Variants in GFRA1 observed in about 807,000 individuals in gnomAD.
GFRA1 encodes the protein GDNF family receptor alpha 1, also known as GDNF family receptor alpha-1.
In GFRA1, 16 loss-of-function variants were observed where a neutral mutation model predicts 51.6. The ratio of observed to expected loss-of-function variants is 0.31; its 90% CI spans 0.21 to 0.47. The LOEUF (loss-of-function observed/expected upper bound fraction) is 0.47. Ranked by LOEUF, GFRA1 falls within the 20% of genes least tolerant of loss-of-function variation. GFRA1 has a pLI of 1.00. For synonymous variants in GFRA1, 270 were observed against 241.3 expected, an observed-to-expected ratio of 1.12 and a Z score of -1.10; for missense variants, 530 against 594.3, an observed-to-expected ratio of 0.89 and a Z score of 1.13.
At chr10:116,255,525 G>T in intron 4 of GFRA1, 2 of 1,041,284 alleles carry the variant, frequency 1.9e-6, no homozygotes, top group South Asian at 1.9e-5. Flanking sequence ...AAAACACTAG[G>T]TTTCCACCAT....
At chr10:116,174,372 C>T (rs1334958696) in intron 5 of GFRA1, among the ~76,000 whole-genome samples, 1 of 152,138 alleles carries the variant, frequency 6.6e-6, no homozygotes, top group South Asian at 2.1e-4. Context: ...TAGTCTTTTC[C>T]CTGCATTCTT....
intron 2 of GFRA1, 76 bp downstream of exon 2, chr10:116,271,914 G>T: frequency 8.5e-7 from 1 of 1,174,342 alleles, no homozygotes; most frequent in Non-Finnish European, 1.2e-6. Flanking sequence ...TTGGTGCGGA[G>T]GGCGGGGTGG....
chr10:116,091,361 A>C (rs548352430), intron 8 of GFRA1, among the ~76,000 whole-genome samples: 1 of 152,340 alleles, frequency 6.6e-6, no homozygotes, highest in East Asian at 1.9e-4. Context: ...GCAGGCAAAT[A>C]AGTGAAATAT....
intron 4 of GFRA1, among the ~76,000 whole-genome samples, chr10:116,232,264 A>T (rs894093044): frequency 1.2e-4 from 19 of 152,186 alleles, no homozygotes; most frequent in African/African-American, 3.9e-4. Flanking sequence ...CATCCTCCCA[A>T]GGAATATGCC....
intron 5 of GFRA1, among the ~76,000 whole-genome samples, chr10:116,153,604 C>A (rs935952423): frequency 6.6e-6 from 1 of 152,104 alleles, no homozygotes; most frequent in Non-Finnish European, 1.5e-5. Context: ...AGTGGCTTGA[C>A]CAAGTGTGGA....
chr10:116,272,105 G>C lies in GFRA1; in HGVS notation c.-76C>G. On this transcript the variant is annotated 5_prime_UTR_variant, in exon 2 of 11. Transcript: ENST00000355422. This position sits in a 1 kb window ranked among gnomAD's most constrained non-coding sequence, Gnocchi z 4.4. ...CGCTGGGTCTTGCCGAGGGAGCTCA[G>C]CGTGCAGCGATCCCCGGACAGCTGT... The C allele has an allele frequency of 1.6e-6, 2 of 1,272,602 alleles. No individual in the cohort carries two copies. Among genetic ancestry groups the C allele is most frequent in the Non-Finnish European group, 2.2e-6 (2 of 895,034 alleles). 78.8% of individuals were successfully genotyped at this position (1,272,602 alleles called of 1,614,324 possible). A position where few individuals can be genotyped will look rare whatever the true frequency, so the allele number is the denominator to read the frequency against.
At chr10:116,100,328 A>G (rs753833493) in intron 6 of GFRA1, among the ~76,000 whole-genome samples, 21 of 152,232 alleles carry the variant, frequency 1.4e-4, no homozygotes, top group Non-Finnish European at 2.9e-4. Context: ...CCCATTTTAC[A>G]GATGAGGAAA....
chr10:116,185,159 CAGAG>C (rs1962587857), intron 5 of GFRA1, among the ~76,000 whole-genome samples: 1 of 151,870 alleles, frequency 6.6e-6, no homozygotes, highest in Non-Finnish European at 1.5e-5. Flanking sequence ...GGGAGGCAGA[CAGAG>C]AGAGACTGAG....
intron 4 of GFRA1, among the ~76,000 whole-genome samples, chr10:116,250,955 T>C (rs896321453): frequency 6.6e-6 from 1 of 152,216 alleles, no homozygotes; most frequent in Non-Finnish European, 1.5e-5. Context: ...TCTGCCACAA[T>C]GCTCTTCAGC....
intron 5 of GFRA1, among the ~76,000 whole-genome samples, chr10:116,146,424 T>G (rs960028159): frequency 6.6e-6 from 1 of 152,242 alleles, no homozygotes; most frequent in African/African-American, 2.4e-5. Context: ...GTTTAATGAT[T>G]TGATTTATTA....
intron 5 of GFRA1, among the ~76,000 whole-genome samples, chr10:116,199,886 T>C (rs1964191354): frequency 6.6e-6 from 1 of 152,214 alleles, no homozygotes; most frequent in Non-Finnish European, 1.5e-5. Context: ...AATCGCTACT[T>C]TCATTTCCCC....
chr10:116,085,666 G>C (rs763060456), intron 9 of GFRA1, among the ~76,000 whole-genome samples: 1 of 151,996 alleles, frequency 6.6e-6, no homozygotes, highest in Non-Finnish European at 1.5e-5. Flanking sequence ...TGGGATGAAG[G>C]CCCTTCACTC....
intron 5 of GFRA1, among the ~76,000 whole-genome samples, chr10:116,160,360 G>A (rs890037399): frequency 6.6e-6 from 1 of 152,206 alleles, no homozygotes; most frequent in Non-Finnish European, 1.5e-5. Flanking sequence ...CATGACAAAA[G>A]AAGGGTGTTT....
chr10:116,153,799 G>A (rs996088485), intron 5 of GFRA1, among the ~76,000 whole-genome samples: 13 of 152,144 alleles, frequency 8.5e-5, no homozygotes, highest in African/African-American at 2.9e-4. Context: ...AAAAGTGAAA[G>A]GCAAGCTACC....
intron 5 of GFRA1, among the ~76,000 whole-genome samples, chr10:116,142,198 G>A (rs893568434): frequency 6.6e-6 from 1 of 152,194 alleles, no homozygotes; most frequent in Non-Finnish European, 1.5e-5. Context: ...CAGCAGGAGG[G>A]AAAAGTGGTT....
At chr10:116,173,607 A>G (rs141959684) in intron 5 of GFRA1, among the ~76,000 whole-genome samples, 1,556 of 152,330 alleles carry the variant, frequency 0.01, 18 homozygotes, top group Admixed American at 0.017. Flanking sequence ...GGCACAAGAT[A>G]GGACTATAAC....
chr10:116,274,264 GC>G (rs1844140026), upstream of GFRA1, among the ~76,000 whole-genome samples: 1 of 152,050 alleles, frequency 6.6e-6, no homozygotes, highest in Non-Finnish European at 1.5e-5. Flanking sequence ...CTAGGAGCCA[GC>G]CGGCAGTGCT....
intron 5 of GFRA1, among the ~76,000 whole-genome samples, chr10:116,180,902 A>T (rs1440590113): frequency 6.6e-6 from 1 of 152,136 alleles, no homozygotes; most frequent in African/African-American, 2.4e-5. Flanking sequence ...TCTATTTCTG[A>T]ATACTTTCCA....
intron 5 of GFRA1, among the ~76,000 whole-genome samples, chr10:116,198,972 AC>A (rs1964116485): frequency 6.6e-6 from 1 of 152,174 alleles, no homozygotes; most frequent in Non-Finnish European, 1.5e-5. Context: ...ACATACAGAG[AC>A]AAAGACCATG....
Sources: gnomAD v4.1 joint callset for allele counts (sites outside exome capture counted in the v4.1 genomes callset) on GRCh38, gnomAD v4.1.1 for gene constraint, Gnocchi (gnomAD v3.1) non-coding constraint, MANE v1.5 for transcripts, NCBI Gene and HGNC (gene_info 2026-07-23, HGNC 2026-07-21) for gene names.